Variants in EPHA6 observed in about 807,000 individuals in gnomAD.
EPHA6 encodes EPH receptor A6.
Under a neutral mutation model 112.0 loss-of-function variants are expected in EPHA6, and 50 were observed. The observed-to-expected ratio is 0.45, with a 90% confidence interval of 0.36 to 0.56. The LOEUF is 0.56. Ranked by LOEUF, EPHA6 falls within the 20% of genes least tolerant of loss-of-function variation. EPHA6 has a pLI of 0.00. For missense variants in EPHA6, 1,280 were observed against 1,417.4 expected (o/e 0.90, Z 1.56); for synonymous variants, 529 against 490.7 (o/e 1.08, Z -1.03).
chr3:96,823,171 A>G (rs1157973194), intron 1 of EPHA6, among the ~76,000 whole-genome samples: 1 of 151,802 alleles, frequency 6.6e-6, no homozygotes, highest in Non-Finnish European at 1.5e-5. Context: ...ATTGCAAAAC[A>G]TAATTGAAAT....
chr3:97,048,111 CAT>C (rs1306853862), intron 3 of EPHA6, among the ~76,000 whole-genome samples: 1 of 152,080 alleles, frequency 6.6e-6, no homozygotes, highest in Non-Finnish European at 1.5e-5. Flanking sequence ...ATAAAACAAA[CAT>C]AACATCTGCC....
chr3:97,086,785 A>G lies in EPHA6; in HGVS notation c.1114+98792A>G, dbSNP rs2108216903. 2.0e-5 allele frequency among the ~76,000 whole-genome samples: 3 copies of G among 152,256 alleles called. No individual in the cohort carries two copies. In the South Asian group the frequency reaches 6.2e-4, roughly 32 times the overall value. On this transcript the variant is annotated intron_variant, in intron 3 of 17. Coordinates refer to ENST00000389672, the MANE Select transcript of EPHA6 (RefSeq NM_001080448.3). ...AAGATTTTGTACATGGGAATTTATTACTCTGATGAATATATTTTAATGAAG... is the reference window on the plus strand; with the variant it reads ...AAGATTTTGTACATGGGAATTTATTGCTCTGATGAATATATTTTAATGAAG...
At chr3:97,288,743 T>A (rs573383979) in intron 5 of EPHA6, among the ~76,000 whole-genome samples, 1 of 152,046 alleles carries the variant, frequency 6.6e-6, no homozygotes, top group Non-Finnish European at 1.5e-5. Context: ...ATCTGTTGTT[T>A]CTTGACTTTT....
At chr3:97,001,703 G>A (rs963074725) in intron 3 of EPHA6, among the ~76,000 whole-genome samples, 1 of 151,960 alleles carries the variant, frequency 6.6e-6, no homozygotes, top group African/African-American at 2.4e-5. Flanking sequence ...ACAGGGAACT[G>A]TAGAGTAGTG....
intron 3 of EPHA6, among the ~76,000 whole-genome samples, chr3:97,117,816 TAAG>T (rs939317590): frequency 2.0e-5 from 3 of 151,842 alleles, no homozygotes; most frequent in Admixed American, 6.6e-5. Flanking sequence ...AATTTGGTCA[TAAG>T]AAGAAACCAA....
At chr3:96,982,212 G>A (rs2042824837) in intron 2 of EPHA6, among the ~76,000 whole-genome samples, 1 of 152,002 alleles carries the variant, frequency 6.6e-6, no homozygotes, top group Non-Finnish European at 1.5e-5. Flanking sequence ...ATTTCCCTCT[G>A]CACACTGCTT....
At chr3:97,265,937 T>C (rs984864750) in intron 5 of EPHA6, among the ~76,000 whole-genome samples, 1 of 152,240 alleles carries the variant, frequency 6.6e-6, no homozygotes, top group African/African-American at 2.4e-5. Context: ...GCTTGATTTG[T>C]CCCATGGACT....
At chr3:97,612,439 C>A in intron 13 of EPHA6, 1 of 398,596 alleles carries the variant, frequency 2.5e-6, no homozygotes, top group Non-Finnish European at 5.1e-6. Context: ...TAAATTGCTG[C>A]TAAAAATGGA....
chr3:97,569,343 G>T (rs957690979), intron 11 of EPHA6, among the ~76,000 whole-genome samples: 5 of 152,278 alleles, frequency 3.3e-5, no homozygotes, highest in African/African-American at 1.2e-4. Flanking sequence ...ATAATCAAAT[G>T]TTAAAAATAA....
At chr3:97,519,076 G>A (rs1394129397) in intron 10 of EPHA6, among the ~76,000 whole-genome samples, 3 of 151,976 alleles carry the variant, frequency 2.0e-5, no homozygotes, top group Non-Finnish European at 2.9e-5. Flanking sequence ...TGCATAGCCC[G>A]GGATCCTGAA....
At chr3:97,732,941 G>A (rs1301635081) in intron 15 of EPHA6, among the ~76,000 whole-genome samples, 2 of 151,976 alleles carry the variant, frequency 1.3e-5, no homozygotes, top group East Asian at 3.9e-4. Flanking sequence ...AAAGAATTGA[G>A]GAAATTTATA....
At chr3:97,301,040 G>A (rs943236154) in intron 5 of EPHA6, among the ~76,000 whole-genome samples, 1 of 152,048 alleles carries the variant, frequency 6.6e-6, no homozygotes, top group Non-Finnish European at 1.5e-5. Flanking sequence ...TATCTGCCCA[G>A]CCTTTGATAT....
rs559989698 is a variant in EPHA6 at position 97,732,765 on chromosome 3, G to C, written c.2935-3160G>C. Among the ~76,000 whole-genome samples the C allele has an allele frequency of 3.3e-5, 5 of 152,046 alleles. No individual in the cohort carries two copies. The East Asian group carries it at 9.7e-4, about 30-fold the overall frequency. On this transcript the variant is annotated intron_variant, in intron 15 of 17. Coordinates refer to ENST00000389672, the MANE Select transcript of EPHA6 (RefSeq NM_001080448.3). ...TTAAAAGAGTTAACACATGAACATC[G>C]CTTAGAACTGGCCTTGAAAGTACTC...
At chr3:97,149,746 G>A (rs2076125968) in intron 3 of EPHA6, among the ~76,000 whole-genome samples, 1 of 151,554 alleles carries the variant, frequency 6.6e-6, no homozygotes, top group Non-Finnish European at 1.5e-5. Context: ...GAATCAACCT[G>A]TGATGGTTGT....
chr3:97,400,024 G>C (rs1245454960), intron 5 of EPHA6, among the ~76,000 whole-genome samples: 1 of 151,544 alleles, frequency 6.6e-6, no homozygotes, highest in Non-Finnish European at 1.5e-5. Context: ...CTGGACTAAT[G>C]TCCTGAGGCA....
chr3:97,243,601 T>A (rs2078908756), intron 4 of EPHA6, among the ~76,000 whole-genome samples: 1 of 151,940 alleles, frequency 6.6e-6, no homozygotes, highest in African/African-American at 2.4e-5. Context: ...GGTGATATAA[T>A]TAATAAGATG....
intron 5 of EPHA6, among the ~76,000 whole-genome samples, chr3:97,354,471 A>C (rs2083964847): frequency 1.3e-5 from 2 of 152,086 alleles, no homozygotes; most frequent in Non-Finnish European, 2.9e-5. Flanking sequence ...ATTGACATAC[A>C]AAGAATGCAT....
chr3:97,343,308 G>C (rs1038971339), intron 5 of EPHA6, among the ~76,000 whole-genome samples: 3 of 152,190 alleles, frequency 2.0e-5, no homozygotes, highest in African/African-American at 4.8e-5. Context: ...CTAGTGTTCT[G>C]TAGTAGGTAC....
chr3:97,173,642 G>T (rs1042772419), intron 3 of EPHA6, among the ~76,000 whole-genome samples: 1 of 151,698 alleles, frequency 6.6e-6, no homozygotes, highest in Non-Finnish European at 1.5e-5. Flanking sequence ...TTCTCTTTTA[G>T]GTAAGTGGAA....
Sources: gnomAD v4.1 joint callset for allele counts (sites outside exome capture counted in the v4.1 genomes callset) on GRCh38, gnomAD v4.1.1 for gene constraint, MANE v1.5 for transcripts, NCBI Gene and HGNC (gene_info 2026-07-23, HGNC 2026-07-21) for gene names.